TTLL9: variants seen among roughly 807,000 people sequenced by gnomAD.
TTLL9 encodes tubulin tyrosine ligase like 9, also known as probable tubulin polyglutamylase TTLL9.
TTLL9 carries 47 observed loss-of-function variants against 65.6 expected under a neutral mutation model. That is an observed-to-expected ratio of 0.72 (90% CI 0.57 to 0.91). The LOEUF (loss-of-function observed/expected upper bound fraction) is 0.91. Among genes scored for constraint, TTLL9 ranks in the 40% least tolerant of loss-of-function variants. The pLI is 0.00. For synonymous variants in TTLL9, 179 were observed against 204.8 expected (o/e 0.87, Z 1.07); for missense variants, 537 against 568.8 (o/e 0.94, Z 0.57).
chr20:31,937,584 T>C (rs1373051428), intron 13 of TTLL9, 75 bp downstream of exon 13: 3 of 1,261,890 alleles, frequency 2.4e-6, no homozygotes, highest in East Asian at 5.1e-5. Context: ...AGGGGGAGCT[T>C]AGAACCTTGG....
At chr20:31,874,394 T>A (rs1429482649) in intron 2 of TTLL9, among the ~76,000 whole-genome samples, 1 of 151,508 alleles carries the variant, frequency 6.6e-6, no homozygotes, top group Admixed American at 6.6e-5. Flanking sequence ...GAATTAAAGT[T>A]GCTAATTAGC....
At chr20:31,919,675 T>C (rs1451913086) in intron 6 of TTLL9, among the ~76,000 whole-genome samples, 189 bp from the exon 7 acceptor site, 1 of 152,126 alleles carries the variant, frequency 6.6e-6, no homozygotes, top group Non-Finnish European at 1.5e-5. Flanking sequence ...TTCCCCTCCC[T>C]TCCCTCTCTC....
At chr20:31,910,403 A>G (rs999904196) in intron 6 of TTLL9, among the ~76,000 whole-genome samples, 6 of 152,232 alleles carry the variant, frequency 3.9e-5, no homozygotes, top group Admixed American at 1.3e-4. Flanking sequence ...GCAGGCAGAC[A>G]ATAAGCAAAC....
In TTLL9 at chr20:31,922,949, A is replaced by G; in HGVS notation, c.574-14A>G. ...CATAAATAAATGTTCAATTATTATTATTATTACAACTAGGACACAAGAAGC... is the reference window on the plus strand; with the variant it reads ...CATAAATAAATGTTCAATTATTATTGTTATTACAACTAGGACACAAGAAGC... On this transcript the variant is annotated splice_polypyrimidine_tract_variant and intron_variant, in intron 7 of 14. Coordinates refer to ENST00000535842, the MANE Select transcript of TTLL9 (RefSeq NM_001008409.5). The G allele has an allele frequency of 1.3e-6, 2 of 1,593,516 alleles. No individual in the cohort carries two copies. The highest frequency in any genetic ancestry group is 8.6e-7 in the Non-Finnish European group (1 of 1,162,136).
intron 6 of TTLL9, among the ~76,000 whole-genome samples, chr20:31,916,682 G>C (rs1222589627): frequency 6.6e-6 from 1 of 152,210 alleles, no homozygotes; most frequent in Non-Finnish European, 1.5e-5. Flanking sequence ...TTTGTCATCA[G>C]ACTTGTCACC....
chr20:31,907,973 G>A lies in TTLL9; in HGVS notation c.207-618G>A, dbSNP rs187767553. On this transcript the variant is annotated intron_variant, in intron 4 of 14. Transcript: ENST00000535842. ...GCACCCAGATTTGGTAGATTGGCCC[G>A]GTTTCCTCTCCCTGGCATGGTGGTG... Among the ~76,000 whole-genome samples the A allele has an allele frequency of 3.0e-4, 45 of 152,226 alleles. No individual in the cohort carries two copies. The East Asian group carries it at 4.4e-3, about 15-fold the overall frequency.
intron 3 of TTLL9, among the ~76,000 whole-genome samples, chr20:31,892,468 C>T (rs2063320796): frequency 6.6e-6 from 1 of 152,172 alleles, no homozygotes; most frequent in African/African-American, 2.4e-5. Context: ...CTGTGTTCGG[C>T]CCAACATTTT....
In TTLL9 at chr20:31,944,358, CTACTT is replaced by C. The variant is rs762266024; in HGVS notation, c.*1340_*1344del. The C allele has an allele frequency of 1.9e-5, 3 of 156,098 alleles. No individual in the cohort carries two copies. Among genetic ancestry groups the C allele is most frequent in the Non-Finnish European group, 2.9e-5 (2 of 70,122 alleles). 9.7% of individuals were successfully genotyped at this position (156,098 alleles called of 1,614,324 possible). On this transcript the variant is annotated 3_prime_UTR_variant, in exon 15 of 15. Transcript: ENST00000535842. ...CTAGCAAGGTGAATTCTGCAACTCC[CTACTT>C]TATTTACATTTTAAAATAAGCAATA...
At chr20:31,900,073 G>A (rs2063453870) in intron 4 of TTLL9, among the ~76,000 whole-genome samples, 1 of 152,170 alleles carries the variant, frequency 6.6e-6, no homozygotes, top group Admixed American at 6.5e-5. Context: ...TCTGGAAAAT[G>A]TAGTTTTTAT....
At position 31,908,678 on chromosome 20, in the gene TTLL9, C is replaced by T. The variant is rs2063596958; in HGVS notation, c.294C>T (p.Ile98=). Residue 98 remains isoleucine (I), a synonymous_variant, in exon 5 of 15, where the codon ATC becomes ATT. Transcript: ENST00000535842. ...DHTYMDEHVR[I]SHFRNHYELT... The stretch of plus-strand genomic sequence containing the variant: ...CCTACATGGATGAACATGTGCGGAT[C>T]AGTCACTTCCGGAACCACTATGAGG... 1 of 1,614,078 alleles carries T rather than the reference C, an allele frequency of 6.2e-7. No individual in the cohort carries two copies. The highest frequency in any genetic ancestry group is 8.5e-7 in the Non-Finnish European group (1 of 1,179,990).
At chr20:31,892,553 C>T (rs2063322307) in intron 3 of TTLL9, among the ~76,000 whole-genome samples, 1 of 152,228 alleles carries the variant, frequency 6.6e-6, no homozygotes, top group Admixed American at 6.5e-5. Flanking sequence ...TTGTGACTCT[C>T]TTTAACGTCT....
intron 6 of TTLL9, among the ~76,000 whole-genome samples, chr20:31,914,194 A>T (rs1158099311): frequency 6.6e-6 from 1 of 152,210 alleles, no homozygotes; most frequent in Non-Finnish European, 1.5e-5. Context: ...AGAATTTTTC[A>T]CTGAGACTTT....
chr20:31,875,089 C>T (rs2123361973), intron 2 of TTLL9, among the ~76,000 whole-genome samples: 1 of 152,296 alleles, frequency 6.6e-6, no homozygotes, highest in Non-Finnish European at 1.5e-5. Context: ...AATTCATACA[C>T]TCACCAACAC....
Position 31,943,036 on chromosome 20 carries a change from G to A in TTLL9, c.*15G>A. On this transcript the variant is annotated 3_prime_UTR_variant, in exon 15 of 15. Coordinates refer to ENST00000535842, the MANE Select transcript of TTLL9 (RefSeq NM_001008409.5). Reference sequence around the variant, plus strand: ...CTTCCAGTTGATCCCCAGCTGCCAGGAGGAAATCAGCCTTAGCAGGTGCCA... The same window carrying A: ...CTTCCAGTTGATCCCCAGCTGCCAGAAGGAAATCAGCCTTAGCAGGTGCCA... 1 of 1,613,456 alleles carries A rather than the reference G, an allele frequency of 6.2e-7. No homozygotes were observed. Among genetic ancestry groups the A allele is most frequent in the Non-Finnish European group, 8.5e-7 (1 of 1,179,858 alleles).
chr20:31,887,350 T>G, intron 3 of TTLL9, 111 bp downstream of exon 3: 1 of 1,228,598 alleles, frequency 8.1e-7, no homozygotes, highest in Non-Finnish European at 1.2e-6. Flanking sequence ...ATGAAAATGA[T>G]AGTAGAAGGA....
intron 2 of TTLL9, chr20:31,872,862 C>A: frequency 2.4e-6 from 1 of 423,902 alleles, no homozygotes. Context: ...CGGTTCAGGG[C>A]CGGAGCATGC....
At chr20:31,929,271 T>C (rs2063965083) in intron 10 of TTLL9, among the ~76,000 whole-genome samples, 2 of 152,236 alleles carry the variant, frequency 1.3e-5, no homozygotes, top group Non-Finnish European at 2.9e-5. Context: ...ACTTTATACA[T>C]GTCTATTATG....
At chr20:31,919,526 A>T (rs1387842691) in intron 6 of TTLL9, among the ~76,000 whole-genome samples, 1 of 152,146 alleles carries the variant, frequency 6.6e-6, no homozygotes, top group Non-Finnish European at 1.5e-5. Flanking sequence ...AGCAAACCCT[A>T]ATTAGGAAGG....
Position 31,918,143 on chromosome 20 carries a change from C to T in TTLL9, c.505-1721C>T, listed in dbSNP as rs191613434. The stretch of plus-strand genomic sequence containing the variant: ...GCAGTTACCCAAGAGACTTTCCCCC[C>T]ACCTCCCTCTGTGCCCGAGCTGTCT... On this transcript the variant is annotated intron_variant, in intron 6 of 14. Coordinates refer to ENST00000535842, the MANE Select transcript of TTLL9 (RefSeq NM_001008409.5). Among the ~76,000 whole-genome samples the T allele has an allele frequency of 3.9e-5, 6 of 152,126 alleles. No homozygotes were observed. The East Asian group carries it at 9.7e-4, about 24-fold the overall frequency.
Sources: gnomAD v4.1 joint callset for allele counts (sites outside exome capture counted in the v4.1 genomes callset) on GRCh38, gnomAD v4.1.1 for gene constraint, MANE v1.5 for transcripts, NCBI Gene and HGNC (gene_info 2026-07-23, HGNC 2026-07-21) for gene names.